Variants in POU6F2 observed in about 807,000 individuals in gnomAD.
POU6F2 encodes the protein POU domain, class 6, transcription factor 2.
A neutral mutation model predicts 71.3 loss-of-function variants in POU6F2; 31 were observed. The observed-to-expected ratio is 0.43, with a 90% CI of 0.33 to 0.59. The LOEUF (loss-of-function observed/expected upper bound fraction) is 0.59, where lower values mean the gene tolerates loss of function less well. Ranked by LOEUF, POU6F2 falls within the 20% of genes least tolerant of loss-of-function variation. POU6F2 has a pLI of 0.04. For synonymous variants in POU6F2, 347 were observed against 355.7 expected, an observed-to-expected ratio of 0.98 and a Z score of 0.27; for missense variants, 783 against 856.8, an observed-to-expected ratio of 0.91 and a Z score of 1.07.
At chr7:39,268,292 G>A (rs972755636) in intron 4 of POU6F2, among the ~76,000 whole-genome samples, 1 of 152,056 alleles carries the variant, frequency 6.6e-6, no homozygotes, top group African/African-American at 2.4e-5. Context: ...CTGGAATTTC[G>A]GTGCAGGGAC....
At chr7:39,458,764 A>G (rs1391423137) in intron 8 of POU6F2, among the ~76,000 whole-genome samples, 3 of 152,158 alleles carry the variant, frequency 2.0e-5, no homozygotes. Flanking sequence ...GCTACACTGA[A>G]ATATTCACTA....
Position 39,074,445 on chromosome 7 carries a change from A to T in POU6F2, c.106-11415A>T, listed in dbSNP as rs570969364. Among the ~76,000 whole-genome samples, 4 of 152,056 alleles carry T rather than the reference A, an allele frequency of 2.6e-5. No homozygotes were observed. The South Asian group carries it at 8.3e-4, about 32-fold the overall frequency. On this transcript the variant is annotated intron_variant, in intron 1 of 9. Transcript: ENST00000518318. ...CAGTGAGCCGAGATCACGCCACTGC[A>T]CTCCAGCCTGGACGACAGAGTGAGA...
chr7:39,340,007 C>G lies in POU6F2; in HGVS notation c.964C>G (p.Pro322Ala). The change falls in exon 5 of 10, where the codon CCT becomes GCT. Residue 322 changes from proline (P) to alanine (A), a missense_variant. By Grantham distance (27) the Pro-to-Ala change is conservative (BLOSUM62 -1). Coordinates refer to ENST00000518318, the MANE Select transcript of POU6F2 (RefSeq NM_001370959.1). Reference protein sequence around the residue: ...GLPSPLTPPNPLQLVNNPLAS... With the variant: ...GLPSPLTPPNALQLVNNPLAS... ...GCCTTCACCGCTCACGCCACCCAATCCTCTACAGGTATGCTCCCCGTGCTT... is the reference window on the plus strand; with the variant it reads ...GCCTTCACCGCTCACGCCACCCAATGCTCTACAGGTATGCTCCCCGTGCTT... The G allele has an allele frequency of 6.2e-7, 1 of 1,607,906 alleles. No homozygotes were observed. Among genetic ancestry groups the G allele is most frequent in the Non-Finnish European group, 8.5e-7 (1 of 1,175,406 alleles).
intron 7 of POU6F2, among the ~76,000 whole-genome samples, chr7:39,435,019 T>C (rs1329915323): frequency 6.6e-6 from 1 of 152,234 alleles, no homozygotes; most frequent in Non-Finnish European, 1.5e-5. Context: ...ACATTTTCCT[T>C]ATCCAGTCTA....
At chr7:39,141,892 C>A (rs564793245) in intron 2 of POU6F2, among the ~76,000 whole-genome samples, 1 of 152,050 alleles carries the variant, frequency 6.6e-6, no homozygotes, top group African/African-American at 2.4e-5. Flanking sequence ...TCAAGACCAG[C>A]CTGGCCAATA....
At chr7:39,025,411 A>T (rs975454863) in intron 1 of POU6F2, among the ~76,000 whole-genome samples, 1 of 152,204 alleles carries the variant, frequency 6.6e-6, no homozygotes, top group African/African-American at 2.4e-5. Context: ...ATATAGATCA[A>T]TGGAACAGAA....
chr7:39,286,653 C>T (rs1784656048), intron 4 of POU6F2, among the ~76,000 whole-genome samples: 1 of 152,208 alleles, frequency 6.6e-6, no homozygotes, highest in Non-Finnish European at 1.5e-5. Flanking sequence ...TGATGTGAAA[C>T]TTTCATTCCT....
intron 5 of POU6F2, among the ~76,000 whole-genome samples, chr7:39,359,259 T>A (rs1427530055): frequency 6.6e-6 from 1 of 152,140 alleles, no homozygotes; most frequent in Non-Finnish European, 1.5e-5. Context: ...TACACCAAGT[T>A]TGGTTTTGCA....
At chr7:39,002,374 G>A (rs1347727482) in intron 1 of POU6F2, among the ~76,000 whole-genome samples, 4 of 149,946 alleles carry the variant, frequency 2.7e-5, no homozygotes, top group African/African-American at 9.7e-5. Context: ...TCGAGACAGG[G>A]TCTCACTCTG....
intron 4 of POU6F2, among the ~76,000 whole-genome samples, chr7:39,249,365 C>T (rs1783875469): frequency 2.0e-5 from 3 of 152,216 alleles, no homozygotes; most frequent in Non-Finnish European, 4.4e-5. Context: ...TGCAGCACCC[C>T]TGGAATGTGT....
rs878905694 is a variant in POU6F2 at position 39,467,189 on chromosome 7, A to G, written c.*2503A>G. The G allele has an allele frequency of 1.3e-5, 2 of 152,276 alleles. No homozygotes were observed. Among genetic ancestry groups the G allele is most frequent in the African/African-American group, 4.8e-5 (2 of 41,546 alleles). 9.4% of individuals were successfully genotyped at this position (152,276 alleles called of 1,614,324 possible). A position where few individuals can be genotyped will look rare whatever the true frequency, so the allele number is the denominator to read the frequency against. On this transcript the variant is annotated 3_prime_UTR_variant, in exon 10 of 10. Transcript: ENST00000518318. ...TGCAGTGATTTTTTTATAGTTTTAT[A>G]ATTTTGTATTGTTTTATAAATTATT...
intron 1 of POU6F2, among the ~76,000 whole-genome samples, chr7:38,985,122 C>T (rs1340406245): frequency 6.6e-6 from 1 of 152,216 alleles, no homozygotes; most frequent in South Asian, 2.1e-4. Context: ...TTCTTCAGTT[C>T]TTTTCCTCCA....
chr7:39,229,625 A>G (rs1287185977), intron 4 of POU6F2, among the ~76,000 whole-genome samples: 1 of 152,226 alleles, frequency 6.6e-6, no homozygotes, highest in African/African-American at 2.4e-5. Context: ...TGACTTCACT[A>G]GTAAGATACT....
chr7:39,212,598 C>T (rs989296999), intron 4 of POU6F2, among the ~76,000 whole-genome samples: 14 of 152,172 alleles, frequency 9.2e-5, no homozygotes, highest in South Asian at 2.1e-4. Context: ...TCCATCCCTG[C>T]GTCCTTTATC....
chr7:39,020,798 A>T (rs1789666352), intron 1 of POU6F2, among the ~76,000 whole-genome samples: 1 of 151,418 alleles, frequency 6.6e-6, no homozygotes, highest in Non-Finnish European at 1.5e-5. Context: ...TTTAATGTAC[A>T]GAGTTTTTGA....
chr7:39,007,818 T>C (rs1413294358), intron 1 of POU6F2, among the ~76,000 whole-genome samples: 1 of 151,590 alleles, frequency 6.6e-6, no homozygotes, highest in Non-Finnish European at 1.5e-5. Flanking sequence ...AGAATGATGT[T>C]TTCCAATTTC....
intron 2 of POU6F2, chr7:39,132,479 A>G (rs992718379): frequency 6.6e-5 from 10 of 152,232 alleles, no homozygotes; most frequent in Admixed American, 5.9e-4. Flanking sequence ...CATGTGAGCG[A>G]GTGTTCCTAA....
At chr7:39,358,992 G>T (rs992260009) in intron 5 of POU6F2, among the ~76,000 whole-genome samples, 13 of 152,034 alleles carry the variant, frequency 8.6e-5, no homozygotes, top group African/African-American at 2.7e-4. Flanking sequence ...TTAAACACAG[G>T]CCAAAACCTT....
intron 2 of POU6F2, among the ~76,000 whole-genome samples, chr7:39,196,674 G>T (rs1207250393): frequency 6.6e-6 from 1 of 151,914 alleles, no homozygotes; most frequent in African/African-American, 2.4e-5. Flanking sequence ...CAGGAGAATC[G>T]CTTGAACCCA....
Sources: allele counts gnomAD v4.1 joint callset (sites outside exome capture counted in the v4.1 genomes callset), GRCh38; gene constraint gnomAD v4.1.1; transcripts MANE v1.5; gene names NCBI Gene and HGNC (gene_info 2026-07-23, HGNC 2026-07-21).